The following FAR2 variants were observed in gnomAD, a reference collection of about 807,000 sequenced individuals.
FAR2 encodes the protein epididymis secretory protein Li 81.
A neutral mutation model predicts 56.0 loss-of-function variants in FAR2; 19 were observed. The ratio of observed to expected loss-of-function variants is 0.34; its 90% CI spans 0.24 to 0.50. The LOEUF is 0.50. Ranked by LOEUF, FAR2 falls within the 20% of genes least tolerant of loss-of-function variation. The pLI, the probability that FAR2 is intolerant of heterozygous loss-of-function variation, is 0.98. For synonymous variants in FAR2, 219 were observed against 218.8 expected, an observed-to-expected ratio of 1.00 and a Z score of -0.01; for missense variants, 508 against 642.2, an observed-to-expected ratio of 0.79 and a Z score of 2.26.
At chr12:29,224,053 A>G (rs1290606967) in intron 1 of FAR2, among the ~76,000 whole-genome samples, 1 of 152,170 alleles carries the variant, frequency 6.6e-6, no homozygotes, top group Non-Finnish European at 1.5e-5. Context: ...CATTTATCCT[A>G]AGAAATCGAT....
Position 29,270,382 on chromosome 12 carries a change from T to A in FAR2, c.-38-30T>A, listed in dbSNP as rs936715972. ...TTGAATATGAGAACTTCTGAAGATG[T>A]AATCTTTTGTTATTTCTCTTCCTTT... On this transcript the variant is annotated intron_variant, in intron 1 of 11. Transcript: ENST00000536681. The A allele has an allele frequency of 2.0e-5, 28 of 1,428,558 alleles. No homozygotes were observed. The Admixed American group carries it at 6.2e-4, about 31-fold the overall frequency. The allele number at this position is 1,428,558 out of a possible 1,614,324, so 88.5% of individuals were successfully genotyped here.
At chr12:29,204,438 T>C (rs985484474) in intron 1 of FAR2, among the ~76,000 whole-genome samples, 1 of 152,104 alleles carries the variant, frequency 6.6e-6, no homozygotes, top group Non-Finnish European at 1.5e-5. Context: ...TTACTCTACA[T>C]AGGGTGTTTA....
chr12:29,256,853 C>T (rs1216604438), intron 1 of FAR2, among the ~76,000 whole-genome samples: 1 of 152,270 alleles, frequency 6.6e-6, no homozygotes, highest in Non-Finnish European at 1.5e-5. Context: ...CACTGGATTT[C>T]TCACCGGGCC....
Position 29,174,772 on chromosome 12 carries a change from G to A in FAR2, c.-39+25365G>A, listed in dbSNP as rs550123890. ...CCTCGGAGAAGAGAGGCGAGAAGAA[G>A]TTTGTCTGACAGGCGTTAGGACCCA... On this transcript the variant is annotated intron_variant, in intron 1 of 11. Coordinates refer to ENST00000536681, the MANE Select transcript of FAR2 (RefSeq NM_001271783.2). Among the ~76,000 whole-genome samples the A allele has an allele frequency of 8.3e-4, 126 of 152,288 alleles. 1 individual carries two copies. Among genetic ancestry groups the A allele is most frequent in the African/African-American group, 2.9e-3 (119 of 41,556 alleles).
At chr12:29,287,150 G>T (rs4331146) in intron 2 of FAR2, among the ~76,000 whole-genome samples, 45,686 of 152,034 alleles carry the variant, frequency 0.3, 6,979 homozygotes, top group East Asian at 0.35. Context: ...AGAAAAGATA[G>T]ATGCCCAAGC....
intron 1 of FAR2, among the ~76,000 whole-genome samples, chr12:29,231,223 A>C (rs1372520513): frequency 6.6e-6 from 1 of 152,180 alleles, no homozygotes. Context: ...CAGACAAGAC[A>C]CTGTGGTGGC....
intron 1 of FAR2, among the ~76,000 whole-genome samples, chr12:29,179,445 A>G (rs74076760): frequency 0.016 from 2,454 of 152,260 alleles, 73 homozygotes; most frequent in African/African-American, 0.055. Flanking sequence ...CTTTACATAC[A>G]TTCCCATTAA....
intron 10 of FAR2, chr12:29,331,602 T>G (rs1197356609): frequency 6.6e-6 from 1 of 152,134 alleles, no homozygotes; most frequent in African/African-American, 2.4e-5. Context: ...AACTATTTTT[T>G]CTAATATATT....
intron 1 of FAR2, among the ~76,000 whole-genome samples, chr12:29,195,459 T>A (rs1950136890): frequency 6.6e-6 from 1 of 152,172 alleles, no homozygotes; most frequent in Non-Finnish European, 1.5e-5. Flanking sequence ...TTGTGGAATA[T>A]TGGTAACAGC....
At chr12:29,174,279 G>A (rs188920224) in intron 1 of FAR2, among the ~76,000 whole-genome samples, 6 of 149,942 alleles carry the variant, frequency 4.0e-5, no homozygotes, top group Admixed American at 2.7e-4. Flanking sequence ...CCCCCACCAC[G>A]ATGGGGCTTT....
intron 1 of FAR2, among the ~76,000 whole-genome samples, chr12:29,225,302 T>G (rs1025016663): frequency 6.6e-6 from 1 of 152,168 alleles, no homozygotes; most frequent in Non-Finnish European, 1.5e-5. Context: ...TTAGACAATT[T>G]GTTTAACTTC....
At chr12:29,173,360 A>C (rs1229219505) in intron 1 of FAR2, among the ~76,000 whole-genome samples, 1 of 151,922 alleles carries the variant, frequency 6.6e-6, no homozygotes, top group African/African-American at 2.4e-5. Context: ...TAGGAAGGGG[A>C]GCAATAGGGA....
chr12:29,307,703 CA>C lies in FAR2; in HGVS notation c.592del (p.Arg198GlufsTer25). On this transcript the variant is annotated frameshift_variant, in exon 5 of 12. Coordinates refer to ENST00000536681, the MANE Select transcript of FAR2 (RefSeq NM_001271783.2). LOFTEE classifies it high-confidence loss of function. ...IIDEITPKLI[R>X]DWPNIYTYTK... is the part of the protein sequence containing the mutation. ...TTGACGAGATTACACCCAAGCTGAT[CA>C]GAGATTGGCCCAATATTTATACCTA... 1 of 1,613,700 alleles carries C rather than the reference CA, an allele frequency of 6.2e-7. No individual in the cohort carries two copies. Among genetic ancestry groups the C allele is most frequent in the Non-Finnish European group, 8.5e-7 (1 of 1,179,806 alleles).
intron 9 of FAR2, among the ~76,000 whole-genome samples, chr12:29,320,841 C>A (rs924214044): frequency 6.6e-6 from 1 of 152,152 alleles, no homozygotes; most frequent in African/African-American, 2.4e-5. Flanking sequence ...GTCCTGACCA[C>A]AAGATTGGAC....
At chr12:29,216,833 T>C (rs1240135064) in intron 1 of FAR2, among the ~76,000 whole-genome samples, 1 of 152,176 alleles carries the variant, frequency 6.6e-6, no homozygotes, top group East Asian at 1.9e-4. Context: ...ACTTTTCATA[T>C]CACGTAGGAG....
chr12:29,276,966 C>A (rs776651389), intron 2 of FAR2, among the ~76,000 whole-genome samples: 10 of 151,694 alleles, frequency 6.6e-5, no homozygotes, highest in South Asian at 4.1e-4. Context: ...AGATAAAATA[C>A]GTTTTTTATA....
intron 1 of FAR2, among the ~76,000 whole-genome samples, chr12:29,210,956 A>G (rs1411443767): frequency 6.7e-6 from 1 of 148,626 alleles, no homozygotes; most frequent in Non-Finnish European, 1.5e-5. Flanking sequence ...CAAAAAAAAA[A>G]CTATATCATT....
chr12:29,210,998 A>G (rs187692566), intron 1 of FAR2, among the ~76,000 whole-genome samples: 71 of 152,072 alleles, frequency 4.7e-4, no homozygotes, highest in Middle Eastern at 3.4e-3. Context: ...TACTACTTTC[A>G]TGCCTATAGT....
intron 2 of FAR2, among the ~76,000 whole-genome samples, chr12:29,278,545 A>G (rs1565501811): frequency 6.6e-6 from 1 of 151,606 alleles, no homozygotes; most frequent in African/African-American, 2.4e-5. Flanking sequence ...TGGTGGTCTC[A>G]CTACATTGTA....
Sources: gnomAD v4.1 joint callset for allele counts (sites outside exome capture counted in the v4.1 genomes callset) on GRCh38, gnomAD v4.1.1 for gene constraint, MANE v1.5 for transcripts, NCBI Gene and HGNC (gene_info 2026-07-23, HGNC 2026-07-21) for gene names.